The following PRKN variants were observed in gnomAD, a reference collection of about 807,000 sequenced individuals.
PRKN encodes parkin RBR E3 ubiquitin protein ligase, also known as E3 ubiquitin-protein ligase parkin.
PRKN carries 56 observed loss-of-function variants against 59.5 expected under a neutral mutation model. The ratio of observed to expected loss-of-function variants is 0.94; its 90% CI spans 0.76 to 1.18. The LOEUF (loss-of-function observed/expected upper bound fraction) is 1.18, where lower values mean the gene tolerates loss of function less well. Among genes scored for constraint, PRKN ranks in the 50% most tolerant of loss-of-function variants. The pLI, the probability that PRKN is intolerant of heterozygous loss-of-function variation, is 0.00. For missense variants in PRKN, 657 were observed against 596.4 expected (o/e 1.10, Z -1.06); for synonymous variants, 250 against 222.1 (o/e 1.13, Z -1.12).
intron 2 of PRKN, chr6:162,275,318 A>G (rs1284928868): frequency 1.3e-5 from 2 of 151,636 alleles, no homozygotes; most frequent in African/African-American, 2.4e-5. Context: ...AAACTATTAG[A>G]TAACATATTT....
At chr6:161,455,056 T>G (rs77558189) in intron 9 of PRKN, among the ~76,000 whole-genome samples, 2 of 151,838 alleles carry the variant, frequency 1.3e-5, no homozygotes, top group Non-Finnish European at 2.9e-5. Flanking sequence ...TTTTTTTTTT[T>G]GAGATGGAGT....
intron 9 of PRKN, among the ~76,000 whole-genome samples, chr6:161,501,583 T>C (rs1777966887): frequency 6.6e-6 from 1 of 152,124 alleles, no homozygotes; most frequent in Non-Finnish European, 1.5e-5. Flanking sequence ...TTTTTTTTAA[T>C]GGTTGGTCTG....
intron 1 of PRKN, among the ~76,000 whole-genome samples, chr6:162,658,105 T>A (rs1320071490): frequency 1.3e-5 from 2 of 152,148 alleles, no homozygotes; most frequent in East Asian, 3.9e-4. Context: ...AAATTCCACA[T>A]AATTTAACCA....
intron 3 of PRKN, among the ~76,000 whole-genome samples, chr6:162,207,303 C>T (rs1364853962): frequency 3.3e-5 from 5 of 152,028 alleles, no homozygotes; most frequent in African/African-American, 9.7e-5. Flanking sequence ...ACCCAGGAGA[C>T]GGACGCTGAA....
chr6:162,414,079 A>T lies in PRKN; in HGVS notation c.171+29231T>A, dbSNP rs79483124. On this transcript the variant is annotated intron_variant, in intron 2 of 11. Transcript: ENST00000366898. The stretch of plus-strand genomic sequence containing the variant: ...GCACCTATAATGCCAGCTACTCGGG[A>T]GGCTGAAGCAGGAGAATTGCCCGAA... Among the ~76,000 whole-genome samples the T allele has an allele frequency of 8.0e-3, 1,223 of 152,262 alleles. 19 individuals carry two copies. The highest frequency in any genetic ancestry group is 0.031 in the East Asian group (159 of 5,162).
intron 3 of PRKN, among the ~76,000 whole-genome samples, chr6:162,260,719 T>C (rs1268866912): frequency 6.6e-6 from 1 of 152,198 alleles, no homozygotes; most frequent in Non-Finnish European, 1.5e-5. Flanking sequence ...AACATGAATA[T>C]GTACACAACA....
intron 6 of PRKN, among the ~76,000 whole-genome samples, chr6:161,900,910 T>TTATATATATATATATATATATA (rs377407497): frequency 7.2e-6 from 1 of 138,742 alleles, no homozygotes; most frequent in African/African-American, 2.8e-5. Context: ...ATATGTTAAA[T>TTATATATATATATATATATATA]TGTATATATA....
In PRKN at chr6:161,483,355, G is replaced by A. The variant is rs60941405; in HGVS notation, c.1083+65499C>T. ...AAAATGTTTCACAGTGCTCCATGTCGGCTTCCCCCTGAAAATCCATGATAA... is the reference window on the plus strand; with the variant it reads ...AAAATGTTTCACAGTGCTCCATGTCAGCTTCCCCCTGAAAATCCATGATAA... On this transcript the variant is annotated intron_variant, in intron 9 of 11. Transcript: ENST00000366898. The surrounding 1 kb of genome is among the most constrained non-coding windows in gnomAD (Gnocchi z 5.0). Among the ~76,000 whole-genome samples, 1,517 of 152,134 alleles carry A rather than the reference G, an allele frequency of 1.0e-2. 19 individuals carry two copies. The highest frequency in any genetic ancestry group is 0.026 in the East Asian group (132 of 5,174).
At chr6:162,536,535 C>T (rs1348568044) in intron 1 of PRKN, among the ~76,000 whole-genome samples, 1 of 152,100 alleles carries the variant, frequency 6.6e-6, no homozygotes, top group Non-Finnish European at 1.5e-5. Flanking sequence ...CTCCTTCGAG[C>T]CATCTTCCCT....
intron 5 of PRKN, among the ~76,000 whole-genome samples, chr6:162,011,224 TTATA>T (rs1782655350): frequency 1.5e-5 from 1 of 68,656 alleles, no homozygotes; most frequent in African/African-American, 4.7e-5. Context: ...TAGTATATAT[TTATA>T]ATATATAATT....
chr6:162,234,693 T>C (rs1049779267), intron 3 of PRKN, among the ~76,000 whole-genome samples: 7 of 152,348 alleles, frequency 4.6e-5, no homozygotes, highest in African/African-American at 1.4e-4. Flanking sequence ...TTTATTGTTA[T>C]TTTTTACTGC....
At position 162,123,680 on chromosome 6, in the gene PRKN, A is replaced by AT. The variant is rs1426436121; in HGVS notation, c.535-69507dup. On this transcript the variant is annotated intron_variant, in intron 4 of 11. Transcript: ENST00000366898. ...CAAGAGAGTGTTTGAACGAATAGTT[A>AT]TTTTTTATTAGGTATACCCATGGAG... 3.9e-5 allele frequency among the ~76,000 whole-genome samples: 6 copies of AT among 152,294 alleles called. No individual in the cohort carries two copies. The East Asian group carries it at 1.2e-3, about 29-fold the overall frequency.
intron 5 of PRKN, among the ~76,000 whole-genome samples, chr6:161,985,935 T>C (rs1167787545): frequency 1.3e-5 from 2 of 152,284 alleles, no homozygotes; most frequent in East Asian, 3.9e-4. Flanking sequence ...GCCCTAGATG[T>C]CTTTCGGCCT....
In PRKN at chr6:161,573,791, TATATAA is replaced by T. The variant is rs1181777713; in HGVS notation, c.872-4381_872-4376del. ...ATATATATATATATATATATATATA[TATATAA>T]AACTTCATTCAACCTTGGGTGTTTT... On this transcript the variant is annotated intron_variant, in intron 7 of 11. Transcript: ENST00000366898. Among the ~76,000 whole-genome samples the T allele has an allele frequency of 2.0e-5, 2 of 100,210 alleles. 1 individual carries two copies. Among genetic ancestry groups the T allele is most frequent in the African/African-American group, 7.8e-5 (2 of 25,664 alleles). 65.7% of individuals were successfully genotyped at this position (100,210 alleles called of 152,430 possible).
chr6:161,532,772 G>T (rs4499907), intron 9 of PRKN, among the ~76,000 whole-genome samples: 1 of 152,084 alleles, frequency 6.6e-6, no homozygotes, highest in African/African-American at 2.4e-5. Context: ...GTGCATGCAC[G>T]TGGATGCTGG....
intron 5 of PRKN, among the ~76,000 whole-genome samples, chr6:161,989,259 T>G (rs1203780067): frequency 8.2e-6 from 1 of 121,742 alleles, no homozygotes. Context: ...ACTTTCATAG[T>G]GCCTGGAAAT....
At chr6:162,672,105 T>C (rs553964134) in intron 1 of PRKN, among the ~76,000 whole-genome samples, 5 of 152,132 alleles carry the variant, frequency 3.3e-5, no homozygotes, top group Admixed American at 6.5e-5. Flanking sequence ...CCAGATAATA[T>C]AGAATTAACC....
rs996967194 is a variant in PRKN, at chr6:162,593,282, A to G, written c.7+134380T>C. On this transcript the variant is annotated intron_variant, in intron 1 of 11. Coordinates refer to ENST00000366898, the MANE Select transcript of PRKN (RefSeq NM_004562.3). ...GGTTGCATATGAAAGAAACAGAAAAATTTAGGTTCACTAATCAATGACAGG... is the reference window on the plus strand; with the variant it reads ...GGTTGCATATGAAAGAAACAGAAAAGTTTAGGTTCACTAATCAATGACAGG... Among the ~76,000 whole-genome samples, 4 of 152,310 alleles carry G rather than the reference A, an allele frequency of 2.6e-5. No individual in the cohort carries two copies. The East Asian group carries it at 7.7e-4, about 29-fold the overall frequency.
intron 2 of PRKN, among the ~76,000 whole-genome samples, chr6:162,281,438 GA>G (rs751847957): frequency 2.0e-4 from 30 of 151,594 alleles, no homozygotes; most frequent in Non-Finnish European, 4.1e-4. Context: ...AAGAAAATAA[GA>G]AATGCGGTAT....
Sources: gnomAD v4.1 joint callset for allele counts (sites outside exome capture counted in the v4.1 genomes callset) on GRCh38, gnomAD v4.1.1 for gene constraint, Gnocchi (gnomAD v3.1) non-coding constraint, MANE v1.5 for transcripts, NCBI Gene and HGNC (gene_info 2026-07-23, HGNC 2026-07-21) for gene names.